The following TPMT variants were observed in gnomAD, a reference collection of about 807,000 sequenced individuals.
TPMT encodes the protein S-adenosyl-L-methionine:thiopurine S-methyltransferase.
In TPMT, 18 loss-of-function variants were observed where a neutral mutation model predicts 34.2. That is an observed-to-expected ratio of 0.53 (90% CI 0.36 to 0.78). The LOEUF (loss-of-function observed/expected upper bound fraction) is 0.78, where lower values mean the gene tolerates loss of function less well. TPMT is among the 30% of genes least tolerant of loss of function. TPMT has a pLI of 0.00. For missense variants in TPMT, 265 were observed against 288.1 expected, an observed-to-expected ratio of 0.92 and a Z score of 0.58; for synonymous variants, 69 against 92.4, an observed-to-expected ratio of 0.75 and a Z score of 1.45.
intron 4 of TPMT, among the ~76,000 whole-genome samples, chr6:18,142,120 G>A (rs919762324): frequency 4.6e-5 from 7 of 151,916 alleles, no homozygotes; most frequent in African/African-American, 1.2e-4. Flanking sequence ...TATAAAATCC[G>A]GCGCTTCTAC....
At chr6:18,152,118 CCTT>C (rs1434283313) in intron 1 of TPMT, among the ~76,000 whole-genome samples, 4 of 152,192 alleles carry the variant, frequency 2.6e-5, no homozygotes, top group Admixed American at 2.0e-4. Flanking sequence ...AAGCAATCCT[CCTT>C]GTTTCAACCA....
Position 18,154,575 on chromosome 6 carries a change from G to GGGGAAAAAA in TPMT, c.-45+457_-45+458insTTTTTTCCC, listed in dbSNP as rs1410723868. ...TTCCCAAAAATCACTAATACACCAG[G>GGGGAAAAAA]CTGGGGAAAAAACCGAGAGTCCGTT... On this transcript the variant is annotated intron_variant, in intron 1 of 8. Coordinates refer to ENST00000309983, the MANE Select transcript of TPMT (RefSeq NM_000367.5). This position sits in a 1 kb window ranked among gnomAD's most constrained non-coding sequence, Gnocchi z 4.2. 6.6e-5 allele frequency among the ~76,000 whole-genome samples: 10 copies of GGGGAAAAAA among 151,966 alleles called. No homozygotes were observed. The highest frequency in any genetic ancestry group is 3.4e-3 in the Middle Eastern group (1 of 294).
At position 18,129,698 on chromosome 6, in the gene TPMT, A is replaced by C. The variant is rs1280790674; in HGVS notation, c.*970T>G. 2 of 152,228 alleles carry C rather than the reference A, an allele frequency of 1.3e-5. No homozygotes were observed. The allele number at this position is 152,228 out of a possible 1,614,324, so 9.4% of individuals were successfully genotyped here. On this transcript the variant is annotated 3_prime_UTR_variant, in exon 9 of 9. Coordinates refer to ENST00000309983, the MANE Select transcript of TPMT (RefSeq NM_000367.5). ...ACAGATTAAATTATAAAAAACAACAATTGCCAAACTCAGAGAAAACTTAAA... is the reference window on the plus strand; with the variant it reads ...ACAGATTAAATTATAAAAAACAACACTTGCCAAACTCAGAGAAAACTTAAA...
chr6:18,134,937 C>A (rs1437075263), intron 6 of TPMT, among the ~76,000 whole-genome samples: 2 of 152,156 alleles, frequency 1.3e-5, no homozygotes, highest in Admixed American at 6.5e-5. Flanking sequence ...TCTTGGCACT[C>A]CAGTTTCTAT....
chr6:18,155,152 TCCGC>T (rs1561895593), upstream of TPMT: 36 of 33,128 alleles, frequency 1.1e-3, 1 homozygote, highest in African/African-American at 4.8e-3. The surrounding 1 kb of genome is among the most constrained non-coding windows in gnomAD (Gnocchi z 6.2). Context: ...GCGCCCCGCC[TCCGC>T]CCGCGCCCCG....
At chr6:18,152,779 T>C (rs909175082) in intron 1 of TPMT, among the ~76,000 whole-genome samples, 1 of 152,048 alleles carries the variant, frequency 6.6e-6, no homozygotes, top group African/African-American at 2.4e-5. Flanking sequence ...TAACCACAAT[T>C]AGGCTTTGTT....
chr6:18,153,648 C>T lies in TPMT; in HGVS notation c.-45+1385G>A, dbSNP rs1784398651. Among the ~76,000 whole-genome samples, 1 of 152,112 alleles carries T rather than the reference C, an allele frequency of 6.6e-6. No individual in the cohort carries two copies. The highest frequency in any genetic ancestry group is 1.5e-5 in the Non-Finnish European group (1 of 68,018). ...TGTTGACAAATGGCTTCTGCAAGAC[C>T]CTGATGGTATCAGGAGGTGACTCTG... On this transcript the variant is annotated intron_variant, in intron 1 of 8. Transcript: ENST00000309983. The surrounding 1 kb of genome is among the most constrained non-coding windows in gnomAD (Gnocchi z 4.2).
rs1784277484 is a variant in TPMT, at chr6:18,147,901, TG to T, written c.154del (p.His52IlefsTer2). On this transcript the variant is annotated frameshift_variant, in exon 3 of 9. Coordinates refer to ENST00000309983, the MANE Select transcript of TPMT (RefSeq NM_000367.5). LOFTEE classifies it high-confidence loss of function. ...CTTGCCTTTAAGGAAAGTATCTAAA[TG>T]CTTCTTTAATAGCCTGAAGAGGAAA... The part of the protein sequence containing the change: ...QEQGHQLLKK[H>X]LDTFLKGKSG... 2.5e-6 allele frequency: 4 copies of T among 1,613,506 alleles called. No individual in the cohort carries two copies. In the African/African-American group the frequency reaches 5.3e-5, roughly 22 times the overall value.
intron 7 of TPMT, among the ~76,000 whole-genome samples, chr6:18,133,109 A>C (rs1282940676): frequency 9.9e-5 from 15 of 152,168 alleles, no homozygotes; most frequent in Admixed American, 9.2e-4. Flanking sequence ...AAAACAAAAC[A>C]AAAAAACCAA....
Position 18,139,570 on chromosome 6 carries a change from G to T in TPMT, c.419+95C>A. On this transcript the variant is annotated intron_variant, in intron 5 of 8. Transcript: ENST00000309983. The surrounding 1 kb of genome is among the most constrained non-coding windows in gnomAD (Gnocchi z 4.2). ...AAAATGCTTTGTGGATGTTACACAGGAGGAAGAGAGTGAGGAAGACACCTC... is the reference window on the plus strand; with the variant it reads ...AAAATGCTTTGTGGATGTTACACAGTAGGAAGAGAGTGAGGAAGACACCTC... 1 of 985,664 alleles carries T rather than the reference G, an allele frequency of 1.0e-6. No individual in the cohort carries two copies. The highest frequency in any genetic ancestry group is 1.6e-6 in the Non-Finnish European group (1 of 618,358). 61.1% of individuals were successfully genotyped at this position (985,664 alleles called of 1,614,324 possible). A position where few individuals can be genotyped will look rare whatever the true frequency, so the allele number is the denominator to read the frequency against.
rs1222944915 is a variant in TPMT at position 18,143,255 on chromosome 6, AG to A, written c.366+340del. Among the ~76,000 whole-genome samples, 2 of 152,034 alleles carry A rather than the reference AG, an allele frequency of 1.3e-5. No homozygotes were observed. The highest frequency in any genetic ancestry group is 6.5e-5 in the Admixed American group (1 of 15,270). On this transcript the variant is annotated intron_variant, in intron 4 of 8. Transcript: ENST00000309983. This position sits in a 1 kb window ranked among gnomAD's most constrained non-coding sequence, Gnocchi z 6.1. Reference sequence around the variant, plus strand: ...AAGAGATTCTTTAGGGGTGGGAGTGAGGGGGGTGTGCTGTGTTATCTTTATC... The same window carrying A: ...AAGAGATTCTTTAGGGGTGGGAGTGAGGGGGTGTGCTGTGTTATCTTTATC...
rs530367205 is a variant in TPMT at position 18,139,254 on chromosome 6, T to C, written c.420-217A>G. Among the ~76,000 whole-genome samples the C allele has an allele frequency of 7.2e-5, 11 of 152,330 alleles. No individual in the cohort carries two copies. In the East Asian group the frequency reaches 2.1e-3, roughly 29 times the overall value. The stretch of plus-strand genomic sequence containing the variant: ...CTGTGGCAGCAGCCTCCCCACTCTG[T>C]TATGATTTGGGGACATGAAGAAGGA... On this transcript the variant is annotated intron_variant, in intron 5 of 8. Transcript: ENST00000309983. The surrounding 1 kb of genome is among the most constrained non-coding windows in gnomAD (Gnocchi z 4.2).
At position 18,131,644 on chromosome 6, in the gene TPMT, G is replaced by C. The variant is rs1464237529; in HGVS notation, c.625+489C>G. 6.6e-6 allele frequency among the ~76,000 whole-genome samples: 1 copy of C among 152,000 alleles called. No homozygotes were observed. The highest frequency in any genetic ancestry group is 1.5e-5 in the Non-Finnish European group (1 of 68,006). On this transcript the variant is annotated intron_variant, in intron 8 of 8. Transcript: ENST00000309983. The surrounding 1 kb of genome is among the most constrained non-coding windows in gnomAD (Gnocchi z 4.3). The stretch of plus-strand genomic sequence containing the variant: ...GAAAAGTTCAAATACCTTTAACATA[G>C]AGCATATAGCATATATACAGAGCAT...
In TPMT at chr6:18,153,308, C is replaced by T. The variant is rs1004706395; in HGVS notation, c.-45+1725G>A. Among the ~76,000 whole-genome samples the T allele has an allele frequency of 2.6e-5, 4 of 152,238 alleles. No individual in the cohort carries two copies. The highest frequency in any genetic ancestry group is 9.6e-5 in the African/African-American group (4 of 41,458). The stretch of plus-strand genomic sequence containing the variant: ...TTCTTCAGCTGACAGACCATAACTG[C>T]AGATCCATCTGAATGTATGAGGAAA... On this transcript the variant is annotated intron_variant, in intron 1 of 8. Transcript: ENST00000309983. This position sits in a 1 kb window ranked among gnomAD's most constrained non-coding sequence, Gnocchi z 4.2.
In TPMT at chr6:18,132,159, G is replaced by A. The variant is rs755899157; in HGVS notation, c.599C>T (p.Pro200Leu). ...TKHPGPPFYV[P>L]HAEIERLFGK... is the part of the protein sequence containing the mutation. ...AAACAACCTTTCAATTTCAGCATGT[G>A]GAACATAAAATGGTGGACCTAGGTA... The change falls in exon 8 of 9, where the codon CCA becomes CTA. Residue 200 changes from proline (P) to leucine (L), a missense_variant. Transcript: ENST00000309983. This position sits in a 1 kb window ranked among gnomAD's most constrained non-coding sequence, Gnocchi z 4.8. The A allele has an allele frequency of 6.2e-7, 1 of 1,614,114 alleles. No homozygotes were observed. Among genetic ancestry groups the A allele is most frequent in the Admixed American group, 1.7e-5 (1 of 60,022 alleles).
In TPMT at chr6:18,139,707, C is replaced by G. The variant is rs773335632; in HGVS notation, c.377G>C (p.Gly126Ala). ...PGTKVFKSSSGNISLYCCSIF... is the reference protein window; with the variant it reads ...PGTKVFKSSSANISLYCCSIF... Reference sequence around the variant, plus strand: ...ACTGCAACAGTACAATGAAATGTTCCCCGAAGAACTCTGTAATGAAATAAT... The same window carrying G: ...ACTGCAACAGTACAATGAAATGTTCGCCGAAGAACTCTGTAATGAAATAAT... The change falls in exon 5 of 9, where the codon GGG (glycine) becomes GCG (alanine). Residue 126 changes from glycine to alanine, a missense_variant. Gly to Ala is a moderately conservative substitution (Grantham distance 60). Coordinates refer to ENST00000309983, the MANE Select transcript of TPMT (RefSeq NM_000367.5). The surrounding 1 kb of genome is among the most constrained non-coding windows in gnomAD (Gnocchi z 4.2). The G allele has an allele frequency of 1.9e-6, 3 of 1,611,828 alleles. No individual in the cohort carries two copies. In the Admixed American group the frequency reaches 5.0e-5, roughly 27 times the overall value.
Position 18,154,782 on chromosome 6 carries a change from A to G in TPMT, c.-45+251T>C, listed in dbSNP as rs548103029. Among the ~76,000 whole-genome samples the G allele has an allele frequency of 6.6e-6, 1 of 152,220 alleles. No homozygotes were observed. The highest frequency in any genetic ancestry group is 1.9e-4 in the East Asian group (1 of 5,174). On this transcript the variant is annotated intron_variant, in intron 1 of 8. Coordinates refer to ENST00000309983, the MANE Select transcript of TPMT (RefSeq NM_000367.5). This position sits in a 1 kb window ranked among gnomAD's most constrained non-coding sequence, Gnocchi z 4.2. ...AGGGAGACCCTGTCTCTAAAAGAAA[A>G]AAGAAAAAAAAATAATTAAAACACA...
rs1444916488 is a variant in TPMT, at chr6:18,131,483, G to T, written c.625+650C>A. Among the ~76,000 whole-genome samples, 1 of 152,084 alleles carries T rather than the reference G, an allele frequency of 6.6e-6. No individual in the cohort carries two copies. Among genetic ancestry groups the T allele is most frequent in the East Asian group, 1.9e-4 (1 of 5,174 alleles). On this transcript the variant is annotated intron_variant, in intron 8 of 8. Coordinates refer to ENST00000309983, the MANE Select transcript of TPMT (RefSeq NM_000367.5). This position sits in a 1 kb window ranked among gnomAD's most constrained non-coding sequence, Gnocchi z 4.3. ...TGGTCCCAGAAACTTGGGAGGCTGAGGTGGGAGGATCACTTGTGCCCAGGG... is the reference window on the plus strand; with the variant it reads ...TGGTCCCAGAAACTTGGGAGGCTGATGTGGGAGGATCACTTGTGCCCAGGG...
rs1361318652 is a variant in TPMT, at chr6:18,146,865, CA to C, written c.233+957del. Among the ~76,000 whole-genome samples the C allele has an allele frequency of 3.3e-5, 5 of 152,206 alleles. No homozygotes were observed. The South Asian group carries it at 1.0e-3, about 32-fold the overall frequency. Reference sequence around the variant, plus strand: ...TCATCTCTACTTGAAAATCAACTCCCAAAAAATGCATGCATACTCTGCGTTA... The same window carrying C: ...TCATCTCTACTTGAAAATCAACTCCCAAAAATGCATGCATACTCTGCGTTA... On this transcript the variant is annotated intron_variant, in intron 3 of 8. Transcript: ENST00000309983. This position sits in a 1 kb window ranked among gnomAD's most constrained non-coding sequence, Gnocchi z 6.2.
Sources: gnomAD v4.1 joint callset for allele counts (sites outside exome capture counted in the v4.1 genomes callset) on GRCh38, gnomAD v4.1.1 for gene constraint, Gnocchi (gnomAD v3.1) non-coding constraint, MANE v1.5 for transcripts, NCBI Gene and HGNC (gene_info 2026-07-23, HGNC 2026-07-21) for gene names.